Variants in G3BP1 observed in about 807,000 individuals in gnomAD.
G3BP1 encodes the protein G3BP stress granule assembly factor 1.
Under a neutral mutation model 58.6 loss-of-function variants are expected in G3BP1, and 35 were observed. The observed-to-expected ratio is 0.60, with a 90% CI of 0.46 to 0.79. The LOEUF is 0.79. Ranked by LOEUF, G3BP1 falls within the 30% of genes least tolerant of loss-of-function variation. The pLI is 0.00. For synonymous variants in G3BP1, 191 were observed against 195.4 expected (o/e 0.98, Z 0.19); for missense variants, 523 against 580.8 (o/e 0.90, Z 1.02).
At chr5:151,802,178 T>C (rs1762866614) in intron 11 of G3BP1, among the ~76,000 whole-genome samples, 1 of 152,216 alleles carries the variant, frequency 6.6e-6, no homozygotes, top group African/African-American at 2.4e-5. Context: ...ATATACATTA[T>C]CTTTCAAATT....
At chr5:151,778,990 G>C (rs1762420677) in intron 1 of G3BP1, among the ~76,000 whole-genome samples, 1 of 151,922 alleles carries the variant, frequency 6.6e-6, no homozygotes, top group East Asian at 1.9e-4. Context: ...CTGGGAGGTG[G>C]AGGTTGCGGT....
At chr5:151,794,010 C>T (rs1286891983) in intron 4 of G3BP1, 149 bp from the exon 5 acceptor site, 6 of 580,204 alleles carry the variant, frequency 1.0e-5, no homozygotes, top group Non-Finnish European at 1.9e-5. Context: ...GACCCTGTCT[C>T]AGAACCCCAC....
chr5:151,802,098 C>G (rs761785574), intron 11 of G3BP1, among the ~76,000 whole-genome samples: 1 of 152,106 alleles, frequency 6.6e-6, no homozygotes, highest in South Asian at 2.1e-4. Context: ...ATTATAGGTG[C>G]GAGCCAATGC....
At chr5:151,800,890 A>AT (rs200261823) in intron 11 of G3BP1, 21 bp downstream of exon 11, 38,814 of 831,458 alleles carry the variant, frequency 0.047, 18 homozygotes, top group Non-Finnish European at 0.05. Flanking sequence ...TTTTGTCTTG[A>AT]TTTTTTTTTT....
chr5:151,787,837 C>A, intron 2 of G3BP1: 2 of 78,522 alleles, frequency 2.5e-5, no homozygotes, highest in South Asian at 1.5e-4. Flanking sequence ...TGAATATTTT[C>A]AATTCATAAA....
chr5:151,776,938 C>G (rs1309425349), intron 1 of G3BP1, among the ~76,000 whole-genome samples: 3 of 143,624 alleles, frequency 2.1e-5, no homozygotes, highest in African/African-American at 5.1e-5. Context: ...TTTGACACTT[C>G]CCTATCTTAT....
At chr5:151,777,055 C>T (rs777966652) in intron 1 of G3BP1, among the ~76,000 whole-genome samples, 25 of 152,066 alleles carry the variant, frequency 1.6e-4, no homozygotes, top group Admixed American at 5.9e-4. Flanking sequence ...TCCAAGGAGG[C>T]GTCAGGAAGA....
rs1050081157 is a variant in G3BP1 at position 151,772,007 on chromosome 5, A to C, written c.-79A>C. On this transcript the variant is annotated 5_prime_UTR_variant, in exon 1 of 12. Transcript: ENST00000356245. ...TACTATCCTCGGTGCTGTGGTGCAG[A>C]GCTAGTTCCTCTCCAGCTCAGCCGC... 1 of 152,518 alleles carries C rather than the reference A, an allele frequency of 6.6e-6. No homozygotes were observed. Among genetic ancestry groups the C allele is most frequent in the African/African-American group, 2.4e-5 (1 of 41,480 alleles). The allele number at this position is 152,518 out of a possible 1,614,324, so 9.4% of individuals were successfully genotyped here.
At chr5:151,777,510 G>A (rs1159092871) in intron 1 of G3BP1, among the ~76,000 whole-genome samples, 2 of 151,774 alleles carry the variant, frequency 1.3e-5, no homozygotes, top group Admixed American at 1.3e-4. Flanking sequence ...CTGTTTTATT[G>A]ATGGGGAATT....
At chr5:151,780,466 T>C (rs1439516586) in intron 1 of G3BP1, among the ~76,000 whole-genome samples, 1 of 152,192 alleles carries the variant, frequency 6.6e-6, no homozygotes, top group African/African-American at 2.4e-5. Flanking sequence ...CCTTTATGTT[T>C]CCCTGCCCGT....
rs148481268 is a variant in G3BP1 at position 151,803,958 on chromosome 5, G to A, written c.1268G>A (p.Arg423Gln). Residue 423 changes from arginine (R) to glutamine (Q), a missense_variant, in exon 12 of 12, where the codon CGA becomes CAA. Arg to Gln is a conservative substitution (Grantham distance 43). Transcript: ENST00000356245. ...KKTRAAREGD[R>Q]RDNRLRGPGG... ...ACTCGAGCTGCCAGGGAAGGCGACC[G>A]ACGAGATAATCGCCTTCGGGGACCT... 8 of 1,613,586 alleles carry A rather than the reference G, an allele frequency of 5.0e-6. No individual in the cohort carries two copies. The highest frequency in any genetic ancestry group is 2.2e-5 in the East Asian group (1 of 44,896).
intron 10 of G3BP1, 124 bp from the exon 11 acceptor site, chr5:151,800,636 C>A: frequency 2.9e-6 from 2 of 685,266 alleles, no homozygotes; most frequent in African/African-American, 1.8e-5. Flanking sequence ...TTCAGACTAG[C>A]TATATTTATA....
chr5:151,779,107 A>G (rs917703919), intron 1 of G3BP1, among the ~76,000 whole-genome samples: 2 of 151,850 alleles, frequency 1.3e-5, no homozygotes, highest in Non-Finnish European at 2.9e-5. Flanking sequence ...ATTTACTCCT[A>G]ATCTGTGGCT....
intron 6 of G3BP1, 53 bp from the exon 7 acceptor site, chr5:151,797,174 T>G: frequency 6.4e-7 from 1 of 1,574,332 alleles, no homozygotes. Context: ...TGGAGGAATT[T>G]TTTGTGAAAT....
intron 4 of G3BP1, among the ~76,000 whole-genome samples, chr5:151,792,919 C>T (rs767762569): frequency 4.0e-5 from 6 of 151,804 alleles, no homozygotes; most frequent in Non-Finnish European, 8.8e-5. Flanking sequence ...CTAGCTGGTA[C>T]CTTTCTTTTT....
Position 151,811,426 on chromosome 5 carries a change from C to T in G3BP1, c.*7335C>T, listed in dbSNP as rs1763017503. ...TTTTCCAGGTCATACATAGGTTTCT[C>T]CCTGGGGTAATTGGAAGTTCTTGCA... On this transcript the variant is annotated 3_prime_UTR_variant, in exon 12 of 12. Coordinates refer to ENST00000356245, the MANE Select transcript of G3BP1 (RefSeq NM_005754.3). The T allele has an allele frequency of 1.3e-5, 2 of 152,084 alleles. No homozygotes were observed. The highest frequency in any genetic ancestry group is 4.8e-5 in the African/African-American group (2 of 41,394). The allele number at this position is 152,084 out of a possible 1,614,324, so 9.4% of individuals were successfully genotyped here. A position where few individuals can be genotyped will look rare whatever the true frequency, so the allele number is the denominator to read the frequency against.
intron 2 of G3BP1, 41 bp downstream of exon 2, chr5:151,786,756 A>T (rs777768516): frequency 8.9e-7 from 1 of 1,126,228 alleles, no homozygotes; most frequent in African/African-American, 1.5e-5. Context: ...GCTGTCTTTT[A>T]GTATGTGGTA....
rs1371127869 is a variant in G3BP1, at chr5:151,806,117, ATGT to A, written c.*2030_*2032del. On this transcript the variant is annotated 3_prime_UTR_variant, in exon 12 of 12. Coordinates refer to ENST00000356245, the MANE Select transcript of G3BP1 (RefSeq NM_005754.3). ...ATTGGGTGGGGTCTAAGGATACCAA[ATGT>A]TGTGTAAAAATGAAGCAACCCCATT... 1.3e-5 allele frequency: 2 copies of A among 152,146 alleles called. No individual in the cohort carries two copies. The highest frequency in any genetic ancestry group is 2.4e-5 in the African/African-American group (1 of 41,430). The allele number at this position is 152,146 out of a possible 1,614,324, so 9.4% of individuals were successfully genotyped here.
chr5:151,794,415 C>T (rs559041140), intron 5 of G3BP1, among the ~76,000 whole-genome samples, 166 bp downstream of exon 5: 58 of 152,220 alleles, frequency 3.8e-4, no homozygotes, highest in African/African-American at 1.3e-3. Flanking sequence ...CTTGAAGCTG[C>T]TAACAGGTTA....
Sources: gnomAD v4.1 joint callset for allele counts (sites outside exome capture counted in the v4.1 genomes callset) on GRCh38, gnomAD v4.1.1 for gene constraint, MANE v1.5 for transcripts, NCBI Gene and HGNC (gene_info 2026-07-23, HGNC 2026-07-21) for gene names.